Variants in FNBP1L observed in about 807,000 individuals in gnomAD.
The protein encoded by FNBP1L is formin binding protein 1 like.
A neutral mutation model predicts 91.2 loss-of-function variants in FNBP1L; 36 were observed. The observed-to-expected ratio is 0.39, with a 90% CI of 0.30 to 0.52. The LOEUF is 0.52. Among genes scored for constraint, FNBP1L ranks in the 20% least tolerant of loss-of-function variants. The pLI, the probability that FNBP1L is intolerant of heterozygous loss-of-function variation, is 0.66. For synonymous variants in FNBP1L, 242 were observed against 237.0 expected, an observed-to-expected ratio of 1.02 and a Z score of -0.19; for missense variants, 571 against 732.1, an observed-to-expected ratio of 0.78 and a Z score of 2.54.
At chr1:93,541,341 T>A (rs1672036358) in intron 11 of FNBP1L, among the ~76,000 whole-genome samples, 1 of 152,180 alleles carries the variant, frequency 6.6e-6, no homozygotes, top group African/African-American at 2.4e-5. Context: ...TTTTAAAGAT[T>A]ACATGGTAGA....
In FNBP1L at chr1:93,523,481, A is replaced by C; in HGVS notation, c.332A>C (p.Glu111Ala). Residue 111 changes from glutamate to alanine, a missense_variant, in exon 4 of 17, where the codon GAA becomes GCA. Physicochemically the swap from Glu to Ala is moderately radical, Grantham distance 107. Transcript: ENST00000271234. ...AGATATGCTCATGATCTGAAAACTG[A>C]AAGAAAAATGGTAATTCTTACAATT... ...LMRYAHDLKTERKMHLQEGRK... is the reference protein window; with the variant it reads ...LMRYAHDLKTARKMHLQEGRK... 1 of 1,602,972 alleles carries C rather than the reference A, an allele frequency of 6.2e-7. No homozygotes were observed. The highest frequency in any genetic ancestry group is 8.5e-7 in the Non-Finnish European group (1 of 1,175,056).
intron 1 of FNBP1L, among the ~76,000 whole-genome samples, chr1:93,468,755 A>G (rs923263387): frequency 6.6e-6 from 1 of 152,058 alleles, no homozygotes; most frequent in African/African-American, 2.4e-5. Flanking sequence ...TTGTGTGTAT[A>G]TATTTTTCTT....
intron 1 of FNBP1L, among the ~76,000 whole-genome samples, chr1:93,488,924 C>T (rs1310972225): frequency 6.6e-6 from 1 of 151,990 alleles, no homozygotes; most frequent in Non-Finnish European, 1.5e-5. Context: ...AAGTAGGAGG[C>T]AAGGTTATTA....
chr1:93,479,365 A>G (rs979081374), intron 1 of FNBP1L, among the ~76,000 whole-genome samples: 1 of 152,220 alleles, frequency 6.6e-6, no homozygotes, highest in Non-Finnish European at 1.5e-5. Context: ...AGAATTACTG[A>G]TGAGGGTGTG....
intron 1 of FNBP1L, among the ~76,000 whole-genome samples, chr1:93,452,414 A>G (rs1290432095): frequency 3.9e-5 from 6 of 152,234 alleles, no homozygotes; most frequent in Non-Finnish European, 5.9e-5. Flanking sequence ...ATTTTTGTCA[A>G]GTAAAATGGT....
intron 1 of FNBP1L, among the ~76,000 whole-genome samples, chr1:93,486,869 A>G (rs77550080): frequency 0.067 from 10,248 of 152,194 alleles, 397 homozygotes; most frequent in South Asian, 0.12. Flanking sequence ...CTTTCAGATC[A>G]TTTCCATTAG....
rs1458186983 is a variant in FNBP1L, at chr1:93,534,853, A to G, written c.935A>G (p.Lys312Arg). The change falls in exon 9 of 17, where the codon AAA becomes AGA. Residue 312 changes from lysine to arginine, a missense_variant. Physicochemically the swap from Lys to Arg is conservative, Grantham distance 26. Transcript: ENST00000271234. Reference sequence around the variant, plus strand: ...CAGGAGAGTGGGAAGATGGATGCCAAAACCACAGTAGGAAAGGCCAAGGGC... The same window carrying G: ...CAGGAGAGTGGGAAGATGGATGCCAGAACCACAGTAGGAAAGGCCAAGGGC... ...SKQESGKMDA[K>R]TTVGKAKGKL... The G allele has an allele frequency of 6.3e-7, 1 of 1,580,588 alleles. No homozygotes were observed. Among genetic ancestry groups the G allele is most frequent in the Non-Finnish European group, 8.6e-7 (1 of 1,162,104 alleles).
rs914122015 is a variant in FNBP1L, at chr1:93,553,578, G to A, written c.*1162G>A. On this transcript the variant is annotated 3_prime_UTR_variant, in exon 17 of 17. Transcript: ENST00000271234. ...TTGTCTTTTTATTTTGGGTTATGAC[G>A]ATCATGTTTGATAATTACAATGATA... 3 of 152,606 alleles carry A rather than the reference G, an allele frequency of 2.0e-5. No individual in the cohort carries two copies. Among genetic ancestry groups the A allele is most frequent in the Admixed American group, 1.3e-4 (2 of 15,282 alleles). The allele number at this position is 152,606 out of a possible 1,614,324, so 9.5% of individuals were successfully genotyped here.
chr1:93,542,776 CTTTTTTTTTTTT>C (rs34922906), intron 11 of FNBP1L, among the ~76,000 whole-genome samples: 1 of 125,588 alleles, frequency 8.0e-6, no homozygotes, highest in African/African-American at 3.1e-5. Flanking sequence ...TTTTCTTTAC[CTTTTTTTTTTTT>C]TTTTTTTTTT....
At chr1:93,514,106 A>G (rs1279355999) in intron 2 of FNBP1L, among the ~76,000 whole-genome samples, 1 of 151,892 alleles carries the variant, frequency 6.6e-6, no homozygotes, top group East Asian at 1.9e-4. Context: ...AAAAATCACA[A>G]GCATTCTTAT....
At chr1:93,508,643 C>T (rs936419731) in intron 2 of FNBP1L, among the ~76,000 whole-genome samples, 5 of 152,240 alleles carry the variant, frequency 3.3e-5, no homozygotes, top group South Asian at 2.1e-4. Context: ...TCTTCCTCTT[C>T]CCCTTACCTC....
chr1:93,507,105 ACACTCT>A (rs1670659005), intron 2 of FNBP1L, among the ~76,000 whole-genome samples: 22 of 48,828 alleles, frequency 4.5e-4, no homozygotes, highest in African/African-American at 1.1e-3. Flanking sequence ...ACACACACAC[ACACTCT>A]CTCTCTCTCT....
intron 11 of FNBP1L, 135 bp from the exon 12 acceptor site, chr1:93,543,972 T>G: frequency 2.0e-6 from 1 of 508,696 alleles, no homozygotes; most frequent in Non-Finnish European, 3.4e-6. Flanking sequence ...GATTTCTTTT[T>G]TTTTTAAGGG....
rs1418779281 is a variant in FNBP1L at position 93,507,117 on chromosome 1, T to A, written c.140+7534T>A. ...CACACACACACACACACTCTCTCTCTCTCTCTCTCTCTCTCTCTCTCTCTC... is the reference window on the plus strand; with the variant it reads ...CACACACACACACACACTCTCTCTCACTCTCTCTCTCTCTCTCTCTCTCTC... On this transcript the variant is annotated intron_variant, in intron 2 of 16. Coordinates refer to ENST00000271234, the MANE Select transcript of FNBP1L (RefSeq NM_001164473.3). 1.9e-3 allele frequency among the ~76,000 whole-genome samples: 243 copies of A among 128,508 alleles called. 3 individuals are homozygous for A. The highest frequency in any genetic ancestry group is 4.5e-3 in the African/African-American group (149 of 32,854). The allele number at this position is 128,508 out of a possible 152,430, so 84.3% of individuals were successfully genotyped here.
At chr1:93,517,979 T>C (rs1170949189) in intron 2 of FNBP1L, among the ~76,000 whole-genome samples, 1 of 152,326 alleles carries the variant, frequency 6.6e-6, no homozygotes, top group East Asian at 1.9e-4. Flanking sequence ...TAAGATTATA[T>C]ATAAAGAGTT....
intron 1 of FNBP1L, among the ~76,000 whole-genome samples, chr1:93,480,887 A>G (rs1421231842): frequency 6.6e-6 from 1 of 152,152 alleles, no homozygotes; most frequent in Non-Finnish European, 1.5e-5. Flanking sequence ...TAAGGAATCA[A>G]TTTATTAAAA....
chr1:93,542,011 A>C (rs376487439), intron 11 of FNBP1L, among the ~76,000 whole-genome samples: 7 of 151,960 alleles, frequency 4.6e-5, no homozygotes, highest in South Asian at 2.1e-4. Flanking sequence ...ACAAAAAAAA[A>C]CTCCACAGTA....
intron 11 of FNBP1L, among the ~76,000 whole-genome samples, chr1:93,541,942 T>TC (rs1351362677): frequency 1.3e-5 from 2 of 152,178 alleles, no homozygotes; most frequent in African/African-American, 4.8e-5. Flanking sequence ...TGATAAGGGA[T>TC]AAGTGGAATT....
intron 12 of FNBP1L, among the ~76,000 whole-genome samples, chr1:93,546,095 CTG>C (rs1226696277): frequency 2.0e-5 from 3 of 151,956 alleles, no homozygotes; most frequent in African/African-American, 7.2e-5. Flanking sequence ...TCCAACAAGA[CTG>C]TAGGAAGAGA....
Sources: gnomAD v4.1 joint callset for allele counts (sites outside exome capture counted in the v4.1 genomes callset) on GRCh38, gnomAD v4.1.1 for gene constraint, MANE v1.5 for transcripts, NCBI Gene and HGNC (gene_info 2026-07-23, HGNC 2026-07-21) for gene names.